ROR1: variants seen among roughly 807,000 people sequenced by gnomAD.
ROR1 encodes ROR family WNT receptor 1, also known as inactive tyrosine-protein kinase transmembrane receptor ROR1.
A neutral mutation model predicts 78.8 loss-of-function variants in ROR1; 19 were observed. The observed-to-expected ratio is 0.24, with a 90% CI of 0.17 to 0.35. The LOEUF is 0.35. Among genes scored for constraint, ROR1 ranks in the 10% least tolerant of loss-of-function variants. The pLI, the probability that ROR1 is intolerant of heterozygous loss-of-function variation, is 1.00. For synonymous variants in ROR1, 386 were observed against 433.6 expected (o/e 0.89, Z 1.36); for missense variants, 917 against 1,177.8 (o/e 0.78, Z 3.24).
chr1:64,055,142 G>A (rs1023567827), intron 4 of ROR1, among the ~76,000 whole-genome samples: 1 of 152,100 alleles, frequency 6.6e-6, no homozygotes, highest in Non-Finnish European at 1.5e-5. Context: ...TATTTGGGAG[G>A]ACATGGTTCA....
chr1:64,097,593 C>A (rs1647349452), intron 4 of ROR1, among the ~76,000 whole-genome samples: 1 of 128,064 alleles, frequency 7.8e-6, no homozygotes, highest in African/African-American at 3.2e-5. Flanking sequence ...ATATATAAGG[C>A]CTTGAGACAA....
chr1:63,788,919 C>T (rs962938924), intron 1 of ROR1: 2 of 859,890 alleles, frequency 2.3e-6, no homozygotes, highest in African/African-American at 3.4e-5. Flanking sequence ...GAACACGTTC[C>T]CCTTAACCTT....
chr1:63,798,413 T>A (rs768401576), intron 1 of ROR1, among the ~76,000 whole-genome samples: 4 of 152,020 alleles, frequency 2.6e-5, no homozygotes, highest in Non-Finnish European at 5.9e-5. Flanking sequence ...AACAAGTCAG[T>A]GGGGGTTGCA....
At chr1:63,894,676 C>T (rs1446346832) in intron 1 of ROR1, among the ~76,000 whole-genome samples, 1 of 152,102 alleles carries the variant, frequency 6.6e-6, no homozygotes, top group Non-Finnish European at 1.5e-5. Context: ...ATTGTTTATA[C>T]ACCAAAACCA....
chr1:63,794,665 T>G (rs933497288), intron 1 of ROR1, among the ~76,000 whole-genome samples: 2 of 152,230 alleles, frequency 1.3e-5, no homozygotes, highest in Non-Finnish European at 2.9e-5. Flanking sequence ...TTTCCTCATC[T>G]GTAAAATGCA....
chr1:63,804,743 C>T (rs1398596795), intron 1 of ROR1, among the ~76,000 whole-genome samples: 1 of 152,114 alleles, frequency 6.6e-6, no homozygotes, highest in Non-Finnish European at 1.5e-5. Context: ...GGGCTTATCT[C>T]AGTGCAGAGG....
intron 1 of ROR1, among the ~76,000 whole-genome samples, chr1:63,919,486 G>A (rs1645636413): frequency 1.7e-5 from 2 of 116,914 alleles, no homozygotes; most frequent in African/African-American, 2.9e-5. Context: ...TCATTGAATT[G>A]GCTTTTTTTT....
chr1:63,946,639 C>T (rs907877586), intron 1 of ROR1, among the ~76,000 whole-genome samples: 1 of 152,140 alleles, frequency 6.6e-6, no homozygotes, highest in Admixed American at 6.5e-5. Context: ...AACAGAGGCT[C>T]AGAGGGGTGA....
At chr1:63,950,322 G>A (rs537055717) in intron 1 of ROR1, among the ~76,000 whole-genome samples, 18 of 152,284 alleles carry the variant, frequency 1.2e-4, no homozygotes, top group African/African-American at 4.1e-4. Flanking sequence ...GATATATTAG[G>A]GGTGGATTAT....
chr1:63,925,844 C>T (rs1419228891), intron 1 of ROR1, among the ~76,000 whole-genome samples: 2 of 151,540 alleles, frequency 1.3e-5, no homozygotes, highest in Non-Finnish European at 2.9e-5. Context: ...GTCCATCGCC[C>T]ACTTTTTGAT....
rs112215079 is a variant in ROR1 at position 64,040,393 on chromosome 1, G to A, written c.164-9298G>A. ...CATAAATTCTAAGTATTCCCACTTA[G>A]AAATTTAAGTGAAAAGTGCACATAT... is the stretch of plus-strand genomic sequence containing the variant. On this transcript the variant is annotated intron_variant, in intron 2 of 8. Coordinates refer to ENST00000371079, the MANE Select transcript of ROR1 (RefSeq NM_005012.4). Among the ~76,000 whole-genome samples the A allele has an allele frequency of 3.8e-3, 584 of 152,228 alleles. 7 individuals are homozygous for A. The highest frequency in any genetic ancestry group is 0.013 in the African/African-American group (556 of 41,532).
intron 2 of ROR1, 98 bp from the exon 3 acceptor site, chr1:64,049,593 T>C: frequency 9.4e-7 from 1 of 1,061,732 alleles, no homozygotes; most frequent in Non-Finnish European, 1.4e-6. Flanking sequence ...CTGCTCAGCC[T>C]CTCTGTGATC....
At chr1:64,084,777 G>A (rs766421981) in intron 4 of ROR1, among the ~76,000 whole-genome samples, 1 of 152,174 alleles carries the variant, frequency 6.6e-6, no homozygotes, top group Non-Finnish European at 1.5e-5. Context: ...TCTTTATTCT[G>A]CTGACTTTGA....
intron 1 of ROR1, among the ~76,000 whole-genome samples, chr1:63,913,643 T>TC (rs1412574624): frequency 6.6e-6 from 1 of 152,144 alleles, no homozygotes; most frequent in East Asian, 1.9e-4. Flanking sequence ...TCCCACGGCC[T>TC]CCCCCTGAGA....
intron 4 of ROR1, among the ~76,000 whole-genome samples, chr1:64,119,817 A>G (rs1490769771): frequency 6.6e-6 from 1 of 152,198 alleles, no homozygotes; most frequent in South Asian, 2.1e-4. Context: ...TAAATGGCTA[A>G]GTAATTATTT....
intron 4 of ROR1, among the ~76,000 whole-genome samples, chr1:64,130,809 C>A (rs1247126219): frequency 6.6e-6 from 1 of 152,070 alleles, no homozygotes; most frequent in Non-Finnish European, 1.5e-5. Context: ...TAATGTAGCC[C>A]CATTTTTATT....
At chr1:64,154,871 T>A (rs1441236384) in intron 7 of ROR1, among the ~76,000 whole-genome samples, 1 of 152,136 alleles carries the variant, frequency 6.6e-6, no homozygotes, top group African/African-American at 2.4e-5. Flanking sequence ...GCATTGGAGG[T>A]GTCCATTACC....
intron 6 of ROR1, 122 bp downstream of exon 6, chr1:64,140,548 C>A: frequency 1.2e-6 from 1 of 857,938 alleles, no homozygotes; most frequent in Non-Finnish European, 1.8e-6. Flanking sequence ...TTCCAATGGG[C>A]TGAGTACTGT....
intron 4 of ROR1, among the ~76,000 whole-genome samples, chr1:64,109,637 C>T (rs1179098892): frequency 1.3e-5 from 2 of 152,168 alleles, no homozygotes; most frequent in African/African-American, 2.4e-5. Context: ...AACCAATCCT[C>T]GTGCATCAGC....
Sources: allele counts gnomAD v4.1 joint callset (sites outside exome capture counted in the v4.1 genomes callset), GRCh38; gene constraint gnomAD v4.1.1; transcripts MANE v1.5; gene names NCBI Gene and HGNC (gene_info 2026-07-23, HGNC 2026-07-21).